Variants in LRRC49 observed in about 807,000 individuals in gnomAD.
LRRC49 encodes leucine rich repeat containing 49.
Under a neutral mutation model 83.3 loss-of-function variants are expected in LRRC49, and 50 were observed. The ratio of observed to expected loss-of-function variants is 0.60; its 90% CI spans 0.48 to 0.76. The LOEUF (loss-of-function observed/expected upper bound fraction) is 0.76. Ranked by LOEUF, LRRC49 falls within the 30% of genes least tolerant of loss-of-function variation. The pLI is 0.00. For synonymous variants in LRRC49, 286 were observed against 283.3 expected, an observed-to-expected ratio of 1.01 and a Z score of -0.10; for missense variants, 704 against 809.1, an observed-to-expected ratio of 0.87 and a Z score of 1.58.
upstream of LRRC49, chr15:70,891,982 A>G (rs1237096434): frequency 3.1e-6 from 5 of 1,613,344 alleles, no homozygotes. Context: ...CTCCCCTCTT[A>G]GGTGCCGGGG....
chr15:71,032,686 G>A (rs2039396485), intron 14 of LRRC49, among the ~76,000 whole-genome samples: 1 of 152,106 alleles, frequency 6.6e-6, no homozygotes, highest in South Asian at 2.1e-4. Context: ...CCTCATCCCT[G>A]GGATGCAAGG....
At chr15:70,877,664 G>A (rs4777325) in intron 2 of LRRC49, among the ~76,000 whole-genome samples, 84,439 of 152,050 alleles carry the variant, frequency 0.56, 24,084 homozygotes, top group Admixed American at 0.7. Context: ...GTGGACATGT[G>A]TTTTCTCTTG....
chr15:70,938,364 G>A lies in LRRC49; in HGVS notation c.773+1542G>A, dbSNP rs1000362705. ...AAGTGTGATTTCTCAAGAAAATAAAGATAGAAGTCAGCTGACAATTTTGAG... is the reference window on the plus strand; with the variant it reads ...AAGTGTGATTTCTCAAGAAAATAAAAATAGAAGTCAGCTGACAATTTTGAG... On this transcript the variant is annotated intron_variant, in intron 8 of 15. Transcript: ENST00000260382. Among the ~76,000 whole-genome samples the A allele has an allele frequency of 2.6e-5, 4 of 152,130 alleles. No individual in the cohort carries two copies. The East Asian group carries it at 7.7e-4, about 29-fold the overall frequency.
At chr15:70,867,660 C>T (rs532118648) in intron 1 of LRRC49, among the ~76,000 whole-genome samples, 1 of 152,352 alleles carries the variant, frequency 6.6e-6, no homozygotes, top group African/African-American at 2.4e-5. Flanking sequence ...ACCCTGCACT[C>T]TTCTGAAGAT....
At chr15:70,981,595 ATT>A (rs34781684) in intron 10 of LRRC49, among the ~76,000 whole-genome samples, 1 of 151,846 alleles carries the variant, frequency 6.6e-6, no homozygotes, top group Admixed American at 6.6e-5. Flanking sequence ...TTGCTTTTCT[ATT>A]TTTTTTATTT....
At chr15:70,968,880 T>C (rs1282868853) in intron 9 of LRRC49, among the ~76,000 whole-genome samples, 1 of 152,226 alleles carries the variant, frequency 6.6e-6, no homozygotes, top group Non-Finnish European at 1.5e-5. Context: ...TTCTGGATAT[T>C]AGTCCTTTGT....
intron 14 of LRRC49, among the ~76,000 whole-genome samples, chr15:71,014,457 G>A (rs2038760410): frequency 6.6e-6 from 1 of 151,746 alleles, no homozygotes; most frequent in Non-Finnish European, 1.5e-5. Flanking sequence ...CGAAAAGCAG[G>A]AAGGAAAAAA....
At chr15:70,927,075 A>G (rs962402605) in intron 7 of LRRC49, among the ~76,000 whole-genome samples, 1 of 152,198 alleles carries the variant, frequency 6.6e-6, no homozygotes, top group Admixed American at 6.5e-5. Context: ...TTAAATAGTC[A>G]GGAAACAACA....
At chr15:70,905,435 T>G (rs2034264868) in intron 5 of LRRC49, among the ~76,000 whole-genome samples, 1 of 152,218 alleles carries the variant, frequency 6.6e-6, no homozygotes, top group Non-Finnish European at 1.5e-5. Flanking sequence ...TCCTCCATCT[T>G]TCCCTGCCTC....
At chr15:70,860,171 G>T in intron 1 of LRRC49, 1 of 673,994 alleles carries the variant, frequency 1.5e-6, no homozygotes, top group South Asian at 1.7e-5. Context: ...GAACAGACGC[G>T]GCAGCCCCTC....
chr15:70,900,518 C>T (rs1430969210), intron 3 of LRRC49: 1 of 456,902 alleles, frequency 2.2e-6, no homozygotes, highest in Non-Finnish European at 4.4e-6. Flanking sequence ...GAGATTCTTC[C>T]ATTAAGACAC....
At chr15:70,968,299 G>A (rs1264098788) in intron 9 of LRRC49, among the ~76,000 whole-genome samples, 1 of 152,112 alleles carries the variant, frequency 6.6e-6, no homozygotes, top group Admixed American at 6.6e-5. Context: ...ATCCATGTCC[G>A]TACAAAGGAC....
At chr15:70,977,357 T>A (rs978315670) in intron 9 of LRRC49, among the ~76,000 whole-genome samples, 1 of 152,156 alleles carries the variant, frequency 6.6e-6, no homozygotes, top group Non-Finnish European at 1.5e-5. Flanking sequence ...GAATAATTAT[T>A]TTCCAGCTGG....
rs1196383225 is a variant in LRRC49 at position 71,035,970 on chromosome 15, G to A, written c.1704-1209G>A. ...TTACACTCCCACCAACAGTGTAAAA[G>A]AACTCCTATTCCTCCACATCCTCTC... On this transcript the variant is annotated intron_variant, in intron 14 of 15. Coordinates refer to ENST00000260382, the MANE Select transcript of LRRC49 (RefSeq NM_017691.5). Among the ~76,000 whole-genome samples, 5 of 152,164 alleles carry A rather than the reference G, an allele frequency of 3.3e-5. No homozygotes were observed. In the South Asian group the frequency reaches 6.2e-4, roughly 19 times the overall value.
intron 11 of LRRC49, among the ~76,000 whole-genome samples, chr15:71,006,509 G>A (rs2038463605): frequency 6.6e-6 from 1 of 152,072 alleles, no homozygotes; most frequent in Non-Finnish European, 1.5e-5. Flanking sequence ...CTATATCACT[G>A]ATTCTGCCCC....
chr15:70,857,483 C>A (rs1033491067), intron 1 of LRRC49, among the ~76,000 whole-genome samples: 8 of 151,992 alleles, frequency 5.3e-5, no homozygotes, highest in African/African-American at 1.7e-4. Context: ...GCAACAGAGA[C>A]CCCATCTTCA....
chr15:70,984,352 G>T (rs1006338617), intron 11 of LRRC49, 95 bp downstream of exon 11: 71 of 1,113,294 alleles, frequency 6.4e-5, no homozygotes, highest in Non-Finnish European at 8.4e-5. Flanking sequence ...ATTTTAAAAG[G>T]GTTTTCTTAA....
At chr15:70,883,106 AAATCATG>A (rs2033308980) in intron 2 of LRRC49, among the ~76,000 whole-genome samples, 1 of 152,232 alleles carries the variant, frequency 6.6e-6, no homozygotes, top group African/African-American at 2.4e-5. Context: ...TTCCACTTAT[AAATCATG>A]AATTCTGGTC....
At chr15:70,974,720 T>TAAAAAAAAAAAAAAAAAAAA (rs1343976655) in intron 9 of LRRC49, among the ~76,000 whole-genome samples, 2 of 129,160 alleles carry the variant, frequency 1.5e-5, no homozygotes, top group South Asian at 2.4e-4. Context: ...CAAAGCATTG[T>TAAAAAAAAAAAAAAAAAAAA]AAAAAAAAAA....
Sources: gnomAD v4.1 joint callset for allele counts (sites outside exome capture counted in the v4.1 genomes callset) on GRCh38, gnomAD v4.1.1 for gene constraint, MANE v1.5 for transcripts, NCBI Gene and HGNC (gene_info 2026-07-23, HGNC 2026-07-21) for gene names.